Variants in TNS4 observed in about 807,000 individuals in gnomAD.
TNS4 encodes tensin-4.
A neutral mutation model predicts 70.4 loss-of-function variants in TNS4; 46 were observed. That is an observed-to-expected ratio of 0.65 (90% CI 0.52 to 0.84). The LOEUF (loss-of-function observed/expected upper bound fraction) is 0.84, where lower values mean the gene tolerates loss of function less well. Among genes scored for constraint, TNS4 ranks in the 40% least tolerant of loss-of-function variants. TNS4 has a pLI of 0.00. For synonymous variants in TNS4, 390 were observed against 366.6 expected (o/e 1.06, Z -0.73); for missense variants, 863 against 907.0 (o/e 0.95, Z 0.62).
At position 40,496,370 on chromosome 17, in the gene TNS4, G is replaced by T. The variant is rs375266707; in HGVS notation, c.56C>A (p.Ala19Glu). 3 of 1,613,344 alleles carry T rather than the reference G, an allele frequency of 1.9e-6. No homozygotes were observed. The highest frequency in any genetic ancestry group is 2.5e-6 in the Non-Finnish European group (3 of 1,179,936). The part of the protein sequence containing the change: ...LLAGGHAVSL[A>E]PCDEPRRTLH... ...GGTCCTCCTGGGCTCATCACAAGGC[G>T]CCAAGCTGACAGCATGGCCTCCTGC... Residue 19 changes from alanine (A) to glutamate (E), a missense_variant, in exon 2 of 13, where the codon GCG becomes GAG. Ala to Glu is a moderately radical substitution (Grantham distance 107). Transcript: ENST00000254051.
intron 6 of TNS4, among the ~76,000 whole-genome samples, chr17:40,482,694 C>T (rs923594619): frequency 1.1e-4 from 17 of 151,830 alleles, no homozygotes; most frequent in African/African-American, 3.6e-4. Flanking sequence ...AGGAGAATTG[C>T]TTGAACCTGG....
chr17:40,486,629 T>C (rs1033137679), intron 4 of TNS4, among the ~76,000 whole-genome samples: 3 of 152,028 alleles, frequency 2.0e-5, no homozygotes, highest in African/African-American at 7.2e-5. Flanking sequence ...ATTCCGGCAT[T>C]TCCTGAACAT....
chr17:40,484,644 C>T (rs765676984), intron 5 of TNS4, 35 bp from the exon 6 acceptor site: 9 of 1,608,364 alleles, frequency 5.6e-6, no homozygotes, highest in African/African-American at 5.3e-5. Context: ...TGGACACCGC[C>T]CCACCTGGAC....
Position 40,476,348 on chromosome 17 carries a change from A to C in TNS4, c.*1240T>G, listed in dbSNP as rs2035846832. 1 of 145,524 alleles carries C rather than the reference A, an allele frequency of 6.9e-6. No individual in the cohort carries two copies. Among genetic ancestry groups the C allele is most frequent in the Non-Finnish European group, 1.5e-5 (1 of 67,874 alleles). The allele number at this position is 145,524 out of a possible 1,614,324, so 9.0% of individuals were successfully genotyped here. On this transcript the variant is annotated 3_prime_UTR_variant, in exon 13 of 13. Coordinates refer to ENST00000254051, the MANE Select transcript of TNS4 (RefSeq NM_032865.6). ...CCCGTGTGGCTGTGAGGCTGGTTGA[A>C]GCCACATAGCAGTAGAGGGGCGTGT...
intron 6 of TNS4, among the ~76,000 whole-genome samples, chr17:40,482,768 ACT>A (rs765802096): frequency 5.4e-5 from 8 of 148,162 alleles, no homozygotes; most frequent in Non-Finnish European, 8.9e-5. Context: ...ACACAGTGAG[ACT>A]CTGTCTCACC....
rs2035847330 is a variant in TNS4 at position 40,476,369 on chromosome 17, C to CGTCTGT, written c.*1218_*1219insACAGAC. On this transcript the variant is annotated 3_prime_UTR_variant, in exon 13 of 13. Transcript: ENST00000254051. The stretch of plus-strand genomic sequence containing the variant: ...TTGAAGCCACATAGCAGTAGAGGGG[C>CGTCTGT]GTGTGTGTGTGTGTGTGTGTGTGTG... 2.2e-5 allele frequency: 2 copies of CGTCTGT among 92,908 alleles called. No individual in the cohort carries two copies. The highest frequency in any genetic ancestry group is 8.9e-4 in the South Asian group (2 of 2,244). 5.8% of individuals were successfully genotyped at this position (92,908 alleles called of 1,614,324 possible).
Position 40,477,407 on chromosome 17 carries a change from C to G in TNS4, c.*181G>C. ...TTGAGGAAACTGAGGCCCGGGGGGT[C>G]TGGATGATGGTGACTGCTGAAGGCC... On this transcript the variant is annotated 3_prime_UTR_variant, in exon 13 of 13. Transcript: ENST00000254051. 1 of 678,908 alleles carries G rather than the reference C, an allele frequency of 1.5e-6. No homozygotes were observed. Among genetic ancestry groups the G allele is most frequent in the Non-Finnish European group, 2.3e-6 (1 of 428,018 alleles). 42.1% of individuals were successfully genotyped at this position (678,908 alleles called of 1,614,324 possible).
At chr17:40,489,781 G>A (rs1236197503) in intron 2 of TNS4, among the ~76,000 whole-genome samples, 1 of 121,902 alleles carries the variant, frequency 8.2e-6, no homozygotes, top group Non-Finnish European at 1.6e-5. Flanking sequence ...AGTGACAAGA[G>A]TGAAGCCCCA....
intron 6 of TNS4, 135 bp downstream of exon 6, chr17:40,484,349 T>G (rs1231913128): frequency 1.5e-6 from 2 of 1,343,442 alleles, no homozygotes; most frequent in East Asian, 2.4e-5. Context: ...AACACTGGGG[T>G]GGACGCTTCT....
chr17:40,484,910 C>A lies in TNS4; in HGVS notation c.1375+11G>T. 1.2e-6 allele frequency: 2 copies of A among 1,614,100 alleles called. No individual in the cohort carries two copies. The highest frequency in any genetic ancestry group is 8.5e-7 in the Non-Finnish European group (1 of 1,179,922). ...AGACCCTATTCTGGGGTCACTCGTG[C>A]TTCCTTTTACCTTGCTCTCGGGTGA... On this transcript the variant is annotated intron_variant, in intron 5 of 12. Coordinates refer to ENST00000254051, the MANE Select transcript of TNS4 (RefSeq NM_032865.6).
intron 10 of TNS4, among the ~76,000 whole-genome samples, chr17:40,478,930 G>A (rs1038349899): frequency 6.6e-6 from 1 of 152,098 alleles, no homozygotes; most frequent in African/African-American, 2.4e-5. Context: ...ACTTTTTGAG[G>A]ACACGAATTA....
At chr17:40,498,800 C>T (rs1468606147) in intron 1 of TNS4, among the ~76,000 whole-genome samples, 1 of 152,146 alleles carries the variant, frequency 6.6e-6, no homozygotes, top group Non-Finnish European at 1.5e-5. Flanking sequence ...CCTCCTTCCT[C>T]GGCCTCCCAA....
chr17:40,500,886 C>T (rs2036206162), intron 1 of TNS4, among the ~76,000 whole-genome samples: 1 of 151,992 alleles, frequency 6.6e-6, no homozygotes, highest in Non-Finnish European at 1.5e-5. Flanking sequence ...TCTCCCAGTC[C>T]TGTCTACCTC....
intron 1 of TNS4, among the ~76,000 whole-genome samples, chr17:40,498,435 G>A (rs1597702695): frequency 6.6e-6 from 1 of 152,316 alleles, no homozygotes; most frequent in Non-Finnish European, 1.5e-5. Flanking sequence ...GAGTATAACA[G>A]CCTCATAATA....
Position 40,489,063 on chromosome 17 carries a change from C to T in TNS4, c.440-94G>A, listed in dbSNP as rs1421519132. On this transcript the variant is annotated intron_variant, in intron 2 of 12. Coordinates refer to ENST00000254051, the MANE Select transcript of TNS4 (RefSeq NM_032865.6). Reference sequence around the variant, plus strand: ...AGTATCCTCAAGGTCATTCTGTCCCCCCTCTTTTATAGAGACGAGGACACT... The same window carrying T: ...AGTATCCTCAAGGTCATTCTGTCCCTCCTCTTTTATAGAGACGAGGACACT... 4 of 1,255,948 alleles carry T rather than the reference C, an allele frequency of 3.2e-6. No homozygotes were observed. The African/African-American group carries it at 4.5e-5, about 14-fold the overall frequency. The allele number at this position is 1,255,948 out of a possible 1,614,324, so 77.8% of individuals were successfully genotyped here.
intron 1 of TNS4, among the ~76,000 whole-genome samples, chr17:40,499,103 C>T (rs1245933204): frequency 1.3e-5 from 2 of 152,164 alleles, no homozygotes; most frequent in African/African-American, 2.4e-5. Flanking sequence ...GCAGACAGCC[C>T]AGCGCCACAC....
chr17:40,479,230 C>T (rs1448578837), intron 10 of TNS4, among the ~76,000 whole-genome samples: 1 of 152,200 alleles, frequency 6.6e-6, no homozygotes, highest in African/African-American at 2.4e-5. Flanking sequence ...TCACTACAAC[C>T]TCCGCCTCCT....
chr17:40,493,279 G>A (rs117779100), intron 2 of TNS4, among the ~76,000 whole-genome samples: 5 of 152,294 alleles, frequency 3.3e-5, no homozygotes, highest in East Asian at 3.9e-4. Context: ...CTCCTAGCAC[G>A]GTAATGTCAG....
At position 40,476,146 on chromosome 17, in the gene TNS4, T is replaced by C. The variant is rs1433817569; in HGVS notation, c.*1442A>G. ...GTAGAGCAAGAGTGGGTTTCTTCCC[T>C]GACCCTCCCTTCCACCCCGGTAGGG... On this transcript the variant is annotated 3_prime_UTR_variant, in exon 13 of 13. Coordinates refer to ENST00000254051, the MANE Select transcript of TNS4 (RefSeq NM_032865.6). 3 of 145,632 alleles carry C rather than the reference T, an allele frequency of 2.1e-5. No individual in the cohort carries two copies. Among genetic ancestry groups the C allele is most frequent in the Non-Finnish European group, 3.0e-5 (2 of 67,066 alleles). The allele number at this position is 145,632 out of a possible 1,614,324, so 9.0% of individuals were successfully genotyped here.
Sources: allele counts gnomAD v4.1 joint callset (sites outside exome capture counted in the v4.1 genomes callset), GRCh38; gene constraint gnomAD v4.1.1; transcripts MANE v1.5; gene names NCBI Gene and HGNC (gene_info 2026-07-23, HGNC 2026-07-21).